NXPE4: variants seen among roughly 807,000 people sequenced by gnomAD.
NXPE4 encodes the protein NXPE family member 4.
In NXPE4, 42 loss-of-function variants were observed where a neutral mutation model predicts 33.3. The observed-to-expected ratio is 1.26, with a 90% CI of 0.98 to 1.63. NXPE4 has a LOEUF of 1.63. Ranked by LOEUF, NXPE4 falls within the 40% of genes most tolerant of loss-of-function variation. NXPE4 has a pLI of 0.00. For missense variants in NXPE4, 709 were observed against 647.6 expected (o/e 1.09, Z -1.03); for synonymous variants, 253 against 234.9 (o/e 1.08, Z -0.71).
the NXPE4 span, among the ~76,000 whole-genome samples, chr11:114,658,624 T>C: frequency 6.6e-6 from 1 of 152,138 alleles, no homozygotes; most frequent in Non-Finnish European, 1.5e-5. Flanking sequence ...AAGACACATA[T>C]GAAGATCCCT....
the NXPE4 span, among the ~76,000 whole-genome samples, chr11:114,645,337 CA>C: frequency 6.6e-6 from 1 of 151,834 alleles, no homozygotes; most frequent in Non-Finnish European, 1.5e-5. Flanking sequence ...ACCCAGTCCC[CA>C]AAAGATTCCC....
upstream of NXPE4, among the ~76,000 whole-genome samples, chr11:114,597,564 T>A (rs771204600): frequency 4.6e-5 from 7 of 152,178 alleles, no homozygotes; most frequent in Non-Finnish European, 1.0e-4. Flanking sequence ...ATTTTCAAGC[T>A]CTGTCCATAG....
the NXPE4 span, among the ~76,000 whole-genome samples, chr11:114,612,652 G>A: frequency 2.7e-5 from 4 of 146,130 alleles, no homozygotes; most frequent in South Asian, 2.2e-4. Context: ...GGGTAACCAC[G>A]GTTACCCAGT....
intron 2 of NXPE4, among the ~76,000 whole-genome samples, chr11:114,592,681 C>T (rs1369256780): frequency 6.6e-6 from 1 of 152,026 alleles, no homozygotes; most frequent in African/African-American, 2.4e-5. Flanking sequence ...AAAAACAATT[C>T]TAAAATCTGT....
At chr11:114,604,329 T>A in the NXPE4 span, among the ~76,000 whole-genome samples, 1 of 152,074 alleles carries the variant, frequency 6.6e-6, no homozygotes, top group East Asian at 1.9e-4. Flanking sequence ...AAAATAAGTG[T>A]TGCTTCGTGG....
the NXPE4 span, among the ~76,000 whole-genome samples, chr11:114,638,275 A>G: frequency 1.1e-4 from 16 of 152,056 alleles, no homozygotes; most frequent in East Asian, 2.9e-3. Context: ...AGGCTTCTGC[A>G]TTCTTCATGT....
the NXPE4 span, among the ~76,000 whole-genome samples, chr11:114,664,399 A>C: frequency 6.6e-6 from 1 of 152,178 alleles, no homozygotes. Context: ...ATTATTCTCT[A>C]TCTTGATTGT....
At chr11:114,630,606 G>C in the NXPE4 span, among the ~76,000 whole-genome samples, 1 of 151,282 alleles carries the variant, frequency 6.6e-6, no homozygotes, top group East Asian at 1.9e-4. Flanking sequence ...TCAGGACATA[G>C]GCATGGGCAA....
chr11:114,663,788 C>T, the NXPE4 span, among the ~76,000 whole-genome samples: 2 of 151,978 alleles, frequency 1.3e-5, no homozygotes, highest in African/African-American at 4.8e-5. Flanking sequence ...AAAATTTAAA[C>T]ATTTCATCCA....
chr11:114,582,822 T>C lies in NXPE4; in HGVS notation c.296A>G (p.His99Arg). 6.2e-7 allele frequency: 1 copy of C among 1,614,122 alleles called. No homozygotes were observed. The highest frequency in any genetic ancestry group is 8.5e-7 in the Non-Finnish European group (1 of 1,180,006). ...AGGGTTGAGGATGGTGGCTGTGCTATGTGTGGCGCTGGTGGTGGTGTTCAC... is the reference window on the plus strand; with the variant it reads ...AGGGTTGAGGATGGTGGCTGTGCTACGTGTGGCGCTGGTGGTGGTGTTCAC... ...THVNTTTSATHSTATILNPRD... is the reference protein window; with the variant it reads ...THVNTTTSATRSTATILNPRD... Residue 99 changes from histidine (H) to arginine (R), a missense_variant, in exon 3 of 6, where the codon CAT (histidine) becomes CGT (arginine). Physicochemically the swap from His to Arg is conservative, Grantham distance 29 (BLOSUM62 0). Coordinates refer to ENST00000375478, the MANE Select transcript of NXPE4 (RefSeq NM_001077639.2).
At chr11:114,637,388 G>C in the NXPE4 span, among the ~76,000 whole-genome samples, 2 of 152,036 alleles carry the variant, frequency 1.3e-5, no homozygotes, top group African/African-American at 2.4e-5. Flanking sequence ...CCTGAATACA[G>C]CACACTAATG....
At chr11:114,665,461 A>G in the NXPE4 span, among the ~76,000 whole-genome samples, 1 of 152,216 alleles carries the variant, frequency 6.6e-6, no homozygotes, top group Non-Finnish European at 1.5e-5. Context: ...TCCATATGCC[A>G]GTCCTTAATA....
At chr11:114,632,769 TA>T in the NXPE4 span, among the ~76,000 whole-genome samples, 10 of 2,906 alleles carry the variant, frequency 3.4e-3, no homozygotes, top group African/African-American at 0.015. Flanking sequence ...ATATATTATA[TA>T]ATTATATATT....
the NXPE4 span, among the ~76,000 whole-genome samples, chr11:114,655,627 A>C: frequency 2.0e-5 from 3 of 152,170 alleles, no homozygotes; most frequent in Non-Finnish European, 4.4e-5. Context: ...GGAAGATCAG[A>C]TGGTTGTAGA....
At chr11:114,659,451 AG>A in the NXPE4 span, among the ~76,000 whole-genome samples, 1 of 151,878 alleles carries the variant, frequency 6.6e-6, no homozygotes, top group African/African-American at 2.4e-5. Context: ...AGAGAAAAAA[AG>A]AGTGAAGAAA....
chr11:114,632,742 ATATAT>A, the NXPE4 span, among the ~76,000 whole-genome samples: 6 of 16,794 alleles, frequency 3.6e-4, no homozygotes, highest in South Asian at 1.8e-3. Context: ...TATATATAAA[ATATAT>A]TATAATATAT....
chr11:114,639,787 T>C, the NXPE4 span, among the ~76,000 whole-genome samples: 11 of 125,152 alleles, frequency 8.8e-5, no homozygotes, highest in East Asian at 2.0e-3. Flanking sequence ...TAAAATATAA[T>C]ATATATTATA....
chr11:114,606,568 C>G, the NXPE4 span, among the ~76,000 whole-genome samples: 1 of 151,824 alleles, frequency 6.6e-6, no homozygotes, highest in South Asian at 2.1e-4. Context: ...ACCACTGTTA[C>G]CTGGTTTATT....
chr11:114,620,381 G>A, the NXPE4 span, among the ~76,000 whole-genome samples: 33 of 151,394 alleles, frequency 2.2e-4, no homozygotes, highest in African/African-American at 7.3e-4. Context: ...GTGTTGCCTC[G>A]TGGGTAACCA....
Sources: gnomAD v4.1 joint callset for allele counts (sites outside exome capture counted in the v4.1 genomes callset) on GRCh38, gnomAD v4.1.1 for gene constraint, MANE v1.5 for transcripts, NCBI Gene and HGNC (gene_info 2026-07-23, HGNC 2026-07-21) for gene names.